Variants in IPO11 observed in about 807,000 individuals in gnomAD.
IPO11 encodes the protein importin 11.
In IPO11, 66 loss-of-function variants were observed where a neutral mutation model predicts 143.2. The observed-to-expected ratio is 0.46, with a 90% confidence interval of 0.38 to 0.57. IPO11 has a LOEUF of 0.57. Among genes scored for constraint, IPO11 ranks in the 20% least tolerant of loss-of-function variants. The pLI is 0.00. For synonymous variants in IPO11, 385 were observed against 377.8 expected (o/e 1.02, Z -0.22); for missense variants, 1,026 against 1,141.0 (o/e 0.90, Z 1.45).
chr5:62,593,506 A>G (rs1745109093), intron 28 of IPO11, among the ~76,000 whole-genome samples: 1 of 152,078 alleles, frequency 6.6e-6, no homozygotes, highest in Admixed American at 6.6e-5. Flanking sequence ...CAACAACAAC[A>G]AAAAAAGTGG....
intron 21 of IPO11, among the ~76,000 whole-genome samples, chr5:62,529,039 T>C (rs544134860): frequency 6.6e-6 from 1 of 152,328 alleles, no homozygotes; most frequent in Admixed American, 6.5e-5. Context: ...TTTATTAATA[T>C]CTGCTCTTAT....
chr5:62,584,612 CAAAAAAAAAAAAAAA>C (rs56062359), intron 27 of IPO11, among the ~76,000 whole-genome samples: 6 of 58,634 alleles, frequency 1.0e-4, no homozygotes, highest in Admixed American at 5.1e-4. Flanking sequence ...AACTGTGCCT[CAAAAAAAAAAAAAAA>C]AAAAAAAAAA....
chr5:62,420,978 A>G (rs900724679), intron 1 of IPO11, among the ~76,000 whole-genome samples: 1 of 152,364 alleles, frequency 6.6e-6, no homozygotes, highest in African/African-American at 2.4e-5. Flanking sequence ...TTGTATTAAT[A>G]GATATTCCCA....
intron 27 of IPO11, among the ~76,000 whole-genome samples, chr5:62,577,029 T>G (rs1456663954): frequency 6.6e-6 from 1 of 152,120 alleles, no homozygotes; most frequent in African/African-American, 2.4e-5. Context: ...GAAGACTAAT[T>G]TAAGAGGTTG....
chr5:62,555,915 A>C (rs1254720129), intron 26 of IPO11, among the ~76,000 whole-genome samples: 1 of 152,068 alleles, frequency 6.6e-6, no homozygotes, highest in East Asian at 1.9e-4. Flanking sequence ...CTCACAAAGC[A>C]CTGGAATTAC....
chr5:62,617,809 A>G (rs1746198466), intron 29 of IPO11, among the ~76,000 whole-genome samples: 1 of 152,204 alleles, frequency 6.6e-6, no homozygotes, highest in South Asian at 2.1e-4. Flanking sequence ...CTAAAAATAC[A>G]TGTAAGATTA....
chr5:62,578,303 A>G (rs1173716905), intron 27 of IPO11, among the ~76,000 whole-genome samples: 1 of 152,112 alleles, frequency 6.6e-6, no homozygotes, highest in Non-Finnish European at 1.5e-5. Context: ...ACTGGAGGAT[A>G]ATATAACAAC....
chr5:62,484,275 T>G, intron 11 of IPO11, 113 bp downstream of exon 11: 1 of 877,122 alleles, frequency 1.1e-6, no homozygotes, highest in Non-Finnish European at 1.6e-6. Flanking sequence ...TCTGGAAATC[T>G]TGGTGTTTTA....
At chr5:62,460,616 C>T (rs1745321884) in intron 5 of IPO11, among the ~76,000 whole-genome samples, 1 of 152,146 alleles carries the variant, frequency 6.6e-6, no homozygotes, top group Admixed American at 6.5e-5. Context: ...TAATGGTTAG[C>T]TTTTGATACT....
At chr5:62,438,004 T>G (rs893101376) in intron 2 of IPO11, among the ~76,000 whole-genome samples, 1 of 152,212 alleles carries the variant, frequency 6.6e-6, no homozygotes, top group African/African-American at 2.4e-5. Context: ...AGTCTTTTTG[T>G]GTTGAACACT....
intron 27 of IPO11, among the ~76,000 whole-genome samples, chr5:62,570,052 A>G (rs544202403): frequency 1.3e-5 from 2 of 152,266 alleles, no homozygotes; most frequent in South Asian, 2.1e-4. Flanking sequence ...TAACATACCT[A>G]TTTTTGAATT....
intron 27 of IPO11, among the ~76,000 whole-genome samples, chr5:62,565,559 A>G (rs1320111101): frequency 6.6e-6 from 1 of 152,108 alleles, no homozygotes; most frequent in Non-Finnish European, 1.5e-5. Context: ...AACTAACACC[A>G]AGCACTCTTC....
At chr5:62,424,146 T>TG (rs1028771810) in intron 1 of IPO11, among the ~76,000 whole-genome samples, 14 of 150,928 alleles carry the variant, frequency 9.3e-5, no homozygotes, top group Admixed American at 2.0e-4. Context: ...AGCTTTTTTT[T>TG]TTTTGTTTTT....
Position 62,563,637 on chromosome 5 carries a change from C to G in IPO11, c.2582+2380C>G, listed in dbSNP as rs549115221. ...AACAAGATATTTTGGGGATGGGACTCAAGTCTAAATGTGAAATTTATTTAT... is the reference window on the plus strand; with the variant it reads ...AACAAGATATTTTGGGGATGGGACTGAAGTCTAAATGTGAAATTTATTTAT... On this transcript the variant is annotated intron_variant, in intron 27 of 29. Transcript: ENST00000325324. 2.0e-5 allele frequency among the ~76,000 whole-genome samples: 3 copies of G among 152,126 alleles called. No individual in the cohort carries two copies. The East Asian group carries it at 5.8e-4, about 29-fold the overall frequency.
chr5:62,586,357 C>T (rs1204698947), intron 27 of IPO11, among the ~76,000 whole-genome samples: 1 of 152,070 alleles, frequency 6.6e-6, no homozygotes, highest in Admixed American at 6.6e-5. Context: ...TCAAAATTCC[C>T]TTTGATCATG....
intron 27 of IPO11, among the ~76,000 whole-genome samples, chr5:62,574,278 T>G (rs956398668): frequency 6.6e-6 from 1 of 152,176 alleles, no homozygotes; most frequent in Non-Finnish European, 1.5e-5. Context: ...AATCATCTGT[T>G]AGGCTAATTA....
intron 24 of IPO11, among the ~76,000 whole-genome samples, chr5:62,547,115 A>G (rs962452705): frequency 1.9e-4 from 29 of 152,310 alleles, no homozygotes; most frequent in African/African-American, 6.7e-4. Context: ...ATTTCAAGTC[A>G]TTTTAATACA....
intron 5 of IPO11, 47 bp downstream of exon 5, chr5:62,451,980 C>T (rs778075510): frequency 1.5e-5 from 22 of 1,500,298 alleles, no homozygotes; most frequent in Admixed American, 3.3e-5. Context: ...ATTGTGCGGC[C>T]GGGCGTGGTG....
chr5:62,488,259 A>G (rs1333528166), intron 13 of IPO11, among the ~76,000 whole-genome samples: 2 of 152,240 alleles, frequency 1.3e-5, no homozygotes, highest in East Asian at 3.8e-4. Flanking sequence ...AATTTTTGAC[A>G]CTTGGTCATT....
Sources: gnomAD v4.1 joint callset for allele counts (sites outside exome capture counted in the v4.1 genomes callset) on GRCh38, gnomAD v4.1.1 for gene constraint, MANE v1.5 for transcripts, NCBI Gene and HGNC (gene_info 2026-07-23, HGNC 2026-07-21) for gene names.